Variants in SPAG17 observed in about 807,000 individuals in gnomAD.
SPAG17 encodes sperm associated antigen 17, also known as sperm-associated antigen 17.
A neutral mutation model predicts 273.6 loss-of-function variants in SPAG17; 169 were observed. That is an observed-to-expected ratio of 0.62 (90% CI 0.55 to 0.70). SPAG17 has a LOEUF of 0.70. SPAG17 is among the 30% of genes least tolerant of loss of function. The pLI, the probability that SPAG17 is intolerant of heterozygous loss-of-function variation, is 0.00. For synonymous variants in SPAG17, 825 were observed against 873.2 expected (o/e 0.94, Z 0.97); for missense variants, 2,557 against 2,627.8 (o/e 0.97, Z 0.59).
rs569333244 is a variant in SPAG17 at position 117,968,562 on chromosome 1, A to G, written c.6387+1494T>C. Among the ~76,000 whole-genome samples, 3 of 152,330 alleles carry G rather than the reference A, an allele frequency of 2.0e-5. No homozygotes were observed. The South Asian group carries it at 6.2e-4, about 32-fold the overall frequency. On this transcript the variant is annotated intron_variant, in intron 46 of 48. Coordinates refer to ENST00000336338, the MANE Select transcript of SPAG17 (RefSeq NM_206996.4). ...TTCAGCCTGTATAATACTGTTTTCTATAGAGCATATTACAGCTAGAAGGGG... is the reference window on the plus strand; with the variant it reads ...TTCAGCCTGTATAATACTGTTTTCTGTAGAGCATATTACAGCTAGAAGGGG...
At position 118,086,859 on chromosome 1, in the gene SPAG17, A is replaced by T. The variant is rs765330676; in HGVS notation, c.1497+12T>A. The T allele has an allele frequency of 1.2e-6, 2 of 1,614,136 alleles. No individual in the cohort carries two copies. Among genetic ancestry groups the T allele is most frequent in the East Asian group, 4.5e-5 (2 of 44,892 alleles). On this transcript the variant is annotated intron_variant, in intron 11 of 48. Coordinates refer to ENST00000336338, the MANE Select transcript of SPAG17 (RefSeq NM_206996.4). ...CAAAGCATGAAGACTCTGCTATCTC[A>T]GGCTATCTGACCTTTTTCTCCCTCT... is the stretch of plus-strand genomic sequence containing the variant.
chr1:118,031,645 A>G, intron 25 of SPAG17, 47 bp downstream of exon 25: 2 of 1,589,754 alleles, frequency 1.3e-6, no homozygotes, highest in South Asian at 1.1e-5. Flanking sequence ...AAAAGTTAAC[A>G]CTGAAGCAGA....
At chr1:117,959,240 A>G (rs1346472828) in intron 48 of SPAG17, 3 of 1,581,552 alleles carry the variant, frequency 1.9e-6, no homozygotes, top group Non-Finnish European at 1.7e-6. Context: ...ACGCTGCTAT[A>G]ATGAATTGAA....
intron 38 of SPAG17, among the ~76,000 whole-genome samples, chr1:117,989,731 A>G (rs1230605700): frequency 6.6e-6 from 1 of 151,866 alleles, no homozygotes; most frequent in Non-Finnish European, 1.5e-5. Context: ...ATGCACCACT[A>G]CACCTGACTA....
intron 18 of SPAG17, among the ~76,000 whole-genome samples, chr1:118,063,265 C>T (rs1251741122): frequency 6.6e-6 from 1 of 152,090 alleles, no homozygotes; most frequent in Non-Finnish European, 1.5e-5. Context: ...AAAAAAGAGC[C>T]CGCATCACCA....
chr1:117,990,564 T>A (rs1656965315), intron 38 of SPAG17, among the ~76,000 whole-genome samples: 1 of 152,194 alleles, frequency 6.6e-6, no homozygotes, highest in Admixed American at 6.5e-5. Context: ...TTCCTATATC[T>A]TCATTATAGT....
At chr1:118,156,659 A>C (rs995172784) in intron 1 of SPAG17, among the ~76,000 whole-genome samples, 1 of 152,114 alleles carries the variant, frequency 6.6e-6, no homozygotes, top group African/African-American at 2.4e-5. Flanking sequence ...CTCACATCCA[A>C]ATCTGCATTG....
At chr1:118,099,938 A>T in intron 5 of SPAG17, 138 bp from the exon 6 acceptor site, 1 of 663,764 alleles carries the variant, frequency 1.5e-6, no homozygotes, top group Non-Finnish European at 2.5e-6. Flanking sequence ...GTTGGCTGGA[A>T]TGCAGTCATG....
intron 41 of SPAG17, among the ~76,000 whole-genome samples, 155 bp downstream of exon 41, chr1:117,984,528 G>A (rs1000114740): frequency 6.6e-6 from 1 of 152,170 alleles, no homozygotes; most frequent in African/African-American, 2.4e-5. Flanking sequence ...TCACATGCTT[G>A]TGAGAATATG....
At chr1:118,023,763 T>A (rs895963369) in intron 27 of SPAG17, among the ~76,000 whole-genome samples, 2 of 152,218 alleles carry the variant, frequency 1.3e-5, no homozygotes, top group African/African-American at 2.4e-5. Flanking sequence ...TTTTTTCCAT[T>A]CTTCACCTTT....
At chr1:118,167,986 C>G (rs1361279448) in intron 1 of SPAG17, among the ~76,000 whole-genome samples, 1 of 152,230 alleles carries the variant, frequency 6.6e-6, no homozygotes, top group African/African-American at 2.4e-5. Flanking sequence ...ACTTCCTCCT[C>G]CTTTGCCTTC....
At chr1:118,041,674 A>T in intron 21 of SPAG17, 129 bp downstream of exon 21, 1 of 1,256,918 alleles carries the variant, frequency 8.0e-7, no homozygotes, top group Non-Finnish European at 1.1e-6. Context: ...GTTTGAGCTC[A>T]TTAATACCAG....
At chr1:118,051,666 A>G (rs1571346884) in intron 20 of SPAG17, among the ~76,000 whole-genome samples, 1 of 147,500 alleles carries the variant, frequency 6.8e-6, no homozygotes, top group Admixed American at 6.8e-5. Flanking sequence ...CACAAAATAC[A>G]TAATATATAA....
intron 47 of SPAG17, 33 bp downstream of exon 47, chr1:117,966,576 A>G (rs200707264): frequency 6.4e-7 from 1 of 1,570,164 alleles, no homozygotes; most frequent in Non-Finnish European, 8.6e-7. Flanking sequence ...TCTGCACTAT[A>G]TATGATTACT....
chr1:118,147,382 T>C (rs1045777367), intron 3 of SPAG17, among the ~76,000 whole-genome samples: 6 of 152,216 alleles, frequency 3.9e-5, no homozygotes, highest in Non-Finnish European at 7.3e-5. Flanking sequence ...GGTGCTTATA[T>C]GCCAGTGCAT....
At chr1:118,055,149 C>T (rs929861322) in intron 19 of SPAG17, among the ~76,000 whole-genome samples, 2 of 152,016 alleles carry the variant, frequency 1.3e-5, no homozygotes, top group Non-Finnish European at 2.9e-5. Context: ...CTCAAGGCCA[C>T]AATAACACAA....
chr1:117,981,976 C>T (rs1005364292), intron 42 of SPAG17, among the ~76,000 whole-genome samples: 3 of 152,098 alleles, frequency 2.0e-5, no homozygotes, highest in Admixed American at 6.6e-5. Flanking sequence ...AAAAGACTTC[C>T]GCAGTCTCAC....
At chr1:118,026,237 T>A (rs1325749) in intron 26 of SPAG17, among the ~76,000 whole-genome samples, 56,064 of 152,076 alleles carry the variant, frequency 0.37, 11,507 homozygotes, top group Non-Finnish European at 0.46. Context: ...AGCATTTTGC[T>A]GTTAGCTGGC....
chr1:117,997,377 A>G (rs530031107), intron 32 of SPAG17, among the ~76,000 whole-genome samples: 2 of 152,142 alleles, frequency 1.3e-5, no homozygotes, highest in African/African-American at 4.8e-5. Context: ...AATTTGCTGT[A>G]AATTGAAATT....
Sources: gnomAD v4.1 joint callset for allele counts (sites outside exome capture counted in the v4.1 genomes callset) on GRCh38, gnomAD v4.1.1 for gene constraint, MANE v1.5 for transcripts, NCBI Gene and HGNC (gene_info 2026-07-23, HGNC 2026-07-21) for gene names.